The following ANKS1B variants were observed in gnomAD, a reference collection of about 807,000 sequenced individuals.
The protein encoded by ANKS1B is ankyrin repeat and sterile alpha motif domain containing 1B.
ANKS1B carries 36 observed loss-of-function variants against 148.3 expected under a neutral mutation model. That is an observed-to-expected ratio of 0.24 (90% CI 0.19 to 0.32). ANKS1B has a LOEUF of 0.32. Ranked by LOEUF, ANKS1B falls within the 10% of genes least tolerant of loss-of-function variation. ANKS1B has a pLI of 1.00. For synonymous variants in ANKS1B, 542 were observed against 560.8 expected (o/e 0.97, Z 0.47); for missense variants, 1,157 against 1,542.6 (o/e 0.75, Z 4.19).
At chr12:99,054,155 C>G (rs1184425942) in intron 16 of ANKS1B, among the ~76,000 whole-genome samples, 1 of 152,156 alleles carries the variant, frequency 6.6e-6, no homozygotes, top group African/African-American at 2.4e-5. Context: ...AAAACTTGGG[C>G]TGCTTTGCAT....
intron 12 of ANKS1B, among the ~76,000 whole-genome samples, chr12:99,354,326 T>C (rs755891164): frequency 1.3e-5 from 2 of 152,026 alleles, no homozygotes; most frequent in Non-Finnish European, 2.9e-5. Flanking sequence ...AGAAAACATA[T>C]GAAAATGTTC....
intron 10 of ANKS1B, among the ~76,000 whole-genome samples, chr12:99,493,784 T>C (rs933827872): frequency 2.6e-5 from 4 of 152,234 alleles, no homozygotes; most frequent in East Asian, 1.9e-4. Context: ...CTTGGAGATA[T>C]ATAAGTAAAT....
intron 9 of ANKS1B, chr12:99,648,142 G>A (rs1193129036): frequency 2.5e-6 from 4 of 1,584,558 alleles, no homozygotes; most frequent in South Asian, 2.3e-5. Context: ...GTGTGGAGCA[G>A]CTGCTGGGAA....
At chr12:99,766,055 C>T (rs1443812171) in intron 8 of ANKS1B, among the ~76,000 whole-genome samples, 1 of 152,160 alleles carries the variant, frequency 6.6e-6, no homozygotes, top group Non-Finnish European at 1.5e-5. Flanking sequence ...CTGGGAAAAA[C>T]CTCCACTTTG....
At chr12:99,120,589 C>T (rs2062542328) in intron 15 of ANKS1B, among the ~76,000 whole-genome samples, 1 of 152,154 alleles carries the variant, frequency 6.6e-6, no homozygotes, top group Admixed American at 6.5e-5. Flanking sequence ...CACTTAAATT[C>T]TTATTGAGAT....
At chr12:99,467,925 T>C (rs12321653) in intron 10 of ANKS1B, among the ~76,000 whole-genome samples, 5,601 of 152,126 alleles carry the variant, frequency 0.037, 362 homozygotes, top group African/African-American at 0.13. Context: ...CTTCACATAA[T>C]TGGAAAAAAC....
chr12:99,980,326 A>G (rs2095682275), intron 1 of ANKS1B, among the ~76,000 whole-genome samples: 1 of 152,048 alleles, frequency 6.6e-6, no homozygotes, highest in Non-Finnish European at 1.5e-5. Context: ...TAATTACATA[A>G]TACATATTCA....
rs547313945 is a variant in ANKS1B, at chr12:99,519,226, T to C, written c.1273-14585A>G. On this transcript the variant is annotated intron_variant, in intron 9 of 26. Coordinates refer to ENST00000683438, the MANE Select transcript of ANKS1B (RefSeq NM_001352186.2). ...CTGAGTGAGATGTTTTGTAAGTATC[T>C]ATTAAGTGAATTTGATGTATAGTAT... 1.4e-4 allele frequency among the ~76,000 whole-genome samples: 22 copies of C among 152,268 alleles called. No individual in the cohort carries two copies. The South Asian group carries it at 4.6e-3, about 32-fold the overall frequency.
In ANKS1B at chr12:99,664,533, A is replaced by T. The variant is rs556875624; in HGVS notation, c.1129-9323T>A. Among the ~76,000 whole-genome samples, 125 of 152,240 alleles carry T rather than the reference A, an allele frequency of 8.2e-4. 1 individual carries two copies. The highest frequency in any genetic ancestry group is 1.2e-3 in the South Asian group (6 of 4,824). On this transcript the variant is annotated intron_variant, in intron 8 of 26. Transcript: ENST00000683438. Reference sequence around the variant, plus strand: ...TATGGCATTTTCAAAAAGCTGAGGGAAAAGGAGCAAGAAACTGAGAAGGAA... The same window carrying T: ...TATGGCATTTTCAAAAAGCTGAGGGTAAAGGAGCAAGAAACTGAGAAGGAA...
chr12:99,844,894 C>T (rs1006997105), intron 1 of ANKS1B, among the ~76,000 whole-genome samples: 20 of 152,042 alleles, frequency 1.3e-4, no homozygotes, highest in African/African-American at 4.8e-4. Flanking sequence ...TTGTTTGTGT[C>T]ATCTCTGGTT....
Position 99,623,993 on chromosome 12 carries a change from C to T in ANKS1B, c.1272+31074G>A, listed in dbSNP as rs1044031453. 8.6e-5 allele frequency among the ~76,000 whole-genome samples: 13 copies of T among 151,886 alleles called. No individual in the cohort carries two copies. The South Asian group carries it at 2.3e-3, about 27-fold the overall frequency. On this transcript the variant is annotated intron_variant, in intron 9 of 26. Coordinates refer to ENST00000683438, the MANE Select transcript of ANKS1B (RefSeq NM_001352186.2). ...ACAAAGTTGGATACATCTTATTACC[C>T]AACGTTGAACTATGCTATAAGGCTA...
At chr12:99,151,385 G>A (rs1419079025) in intron 15 of ANKS1B, among the ~76,000 whole-genome samples, 6 of 151,882 alleles carry the variant, frequency 4.0e-5, no homozygotes, top group Non-Finnish European at 5.9e-5. Flanking sequence ...AAAATTAGCC[G>A]GGTGTGGTGG....
chr12:99,239,699 T>A (rs933654648), intron 14 of ANKS1B, among the ~76,000 whole-genome samples: 12 of 152,146 alleles, frequency 7.9e-5, no homozygotes, highest in African/African-American at 2.9e-4. Context: ...GGGAAGCCCA[T>A]TAGACTAACA....
chr12:99,268,678 T>C (rs536684300), intron 12 of ANKS1B, among the ~76,000 whole-genome samples: 1 of 152,214 alleles, frequency 6.6e-6, no homozygotes, highest in Non-Finnish European at 1.5e-5. Context: ...AGAAATGTAA[T>C]AGGAAAGCAT....
At position 98,801,442 on chromosome 12, in the gene ANKS1B, G is replaced by A. The variant is rs2099004437; in HGVS notation, c.3142-317C>T. Among the ~76,000 whole-genome samples, 1 of 152,092 alleles carries A rather than the reference G, an allele frequency of 6.6e-6. No homozygotes were observed. The highest frequency in any genetic ancestry group is 2.4e-5 in the African/African-American group (1 of 41,426). On this transcript the variant is annotated intron_variant, in intron 20 of 26. Transcript: ENST00000683438. The surrounding 1 kb of genome is among the most constrained non-coding windows in gnomAD (Gnocchi z 5.2). The stretch of plus-strand genomic sequence containing the variant: ...ACAATTTTCCATCACAACAGCAAAG[G>A]ACACACAATCTTTAAAAGAATTTTG...
intron 1 of ANKS1B, among the ~76,000 whole-genome samples, chr12:99,890,135 A>G (rs997282426): frequency 6.6e-6 from 1 of 152,212 alleles, no homozygotes; most frequent in Non-Finnish European, 1.5e-5. Flanking sequence ...AGAGATAATT[A>G]TAATAGATAC....
At chr12:99,230,742 T>A (rs2086703972) in intron 14 of ANKS1B, among the ~76,000 whole-genome samples, 1 of 152,180 alleles carries the variant, frequency 6.6e-6, no homozygotes, top group Non-Finnish European at 1.5e-5. Context: ...GATCTCTTGA[T>A]AAAGATTAGT....
At chr12:99,756,507 A>G (rs951931017) in intron 8 of ANKS1B, among the ~76,000 whole-genome samples, 10 of 152,162 alleles carry the variant, frequency 6.6e-5, no homozygotes, top group Non-Finnish European at 1.2e-4. Context: ...CACTGCCCAA[A>G]TCAATTTAGA....
chr12:98,808,139 A>G (rs2099065335), intron 19 of ANKS1B, among the ~76,000 whole-genome samples: 1 of 152,222 alleles, frequency 6.6e-6, no homozygotes, highest in Non-Finnish European at 1.5e-5. Flanking sequence ...TCATTTATGC[A>G]TTTATGCAAG....
Sources: allele counts gnomAD v4.1 joint callset (sites outside exome capture counted in the v4.1 genomes callset), GRCh38; gene constraint gnomAD v4.1.1; non-coding constraint Gnocchi (gnomAD v3.1); transcripts MANE v1.5; gene names NCBI Gene and HGNC (gene_info 2026-07-23, HGNC 2026-07-21).